Variants in HAGHL observed in about 807,000 individuals in gnomAD.
The protein encoded by HAGHL is hydroxyacylglutathione hydrolase-like protein.
A neutral mutation model predicts 29.2 loss-of-function variants in HAGHL; 27 were observed. The observed-to-expected ratio is 0.92, with a 90% CI of 0.68 to 1.27. HAGHL has a LOEUF of 1.27. Among genes scored for constraint, HAGHL ranks in the 50% most tolerant of loss-of-function variants. The pLI is 0.00. For missense variants in HAGHL, 529 were observed against 405.5 expected, an observed-to-expected ratio of 1.30 and a Z score of -2.62; for synonymous variants, 223 against 185.7, an observed-to-expected ratio of 1.20 and a Z score of -1.63.
At position 729,275 on chromosome 16, in the gene HAGHL, C is replaced by G; in HGVS notation, c.681-13C>G. The G allele has an allele frequency of 6.6e-7, 1 of 1,516,366 alleles. No individual in the cohort carries two copies. Among genetic ancestry groups the G allele is most frequent in the South Asian group, 1.3e-5 (1 of 77,884 alleles). The allele number at this position is 1,516,366 out of a possible 1,614,324, so 93.9% of individuals were successfully genotyped here. A position where few individuals can be genotyped will look rare whatever the true frequency, so the allele number is the denominator to read the frequency against. ...GCAGCGGGCCCTGCGCCTCACTGCA[C>G]CCCTCCCTGCAGAGAGGAGCCGGTG... On this transcript the variant is annotated splice_polypyrimidine_tract_variant and intron_variant, in intron 7 of 7. Transcript: ENST00000389703.
Position 728,049 on chromosome 16 carries a change from G to A in HAGHL, c.170+20G>A, listed in dbSNP as rs962701601. The A allele has an allele frequency of 2.0e-5, 32 of 1,575,646 alleles. No individual in the cohort carries two copies. Among genetic ancestry groups the A allele is most frequent in the Non-Finnish European group, 2.7e-5 (31 of 1,165,246 alleles). On this transcript the variant is annotated intron_variant, in intron 2 of 7. Transcript: ENST00000389703. The stretch of plus-strand genomic sequence containing the variant: ...TCACTGGTGAGCGCCGGCGGGGCGC[G>A]GGGAGGCACGAGGACGCCGCCTTGT...
intron 1 of HAGHL, 159 bp from the exon 2 acceptor site, chr16:727,806 C>G (rs542034385): frequency 3.7e-6 from 3 of 810,240 alleles, no homozygotes; most frequent in East Asian, 5.5e-5. Flanking sequence ...GCCTGGCGGT[C>G]CCTGCACGCG....
At position 728,854 on chromosome 16, in the gene HAGHL, C is replaced by T. The variant is rs557629744; in HGVS notation, c.559C>T (p.Pro187Ser). The change falls in exon 6 of 8, where the codon CCC becomes TCC. Residue 187 changes from proline to serine, a missense_variant. By Grantham distance (74) the Pro-to-Ser change is moderately conservative (BLOSUM62 -1). Transcript: ENST00000389703. The part of the protein sequence containing the change: ...SNLEFAQKVE[P>S]CNDHVRAKLS... ...CCTGGAGTTTGCCCAGAAAGTGGAGCCCTGCAACGACCACGTGAGAGCCAA... is the reference window on the plus strand; with the variant it reads ...CCTGGAGTTTGCCCAGAAAGTGGAGTCCTGCAACGACCACGTGAGAGCCAA... 8.1e-6 allele frequency: 13 copies of T among 1,611,220 alleles called. No individual in the cohort carries two copies. The African/African-American group carries it at 1.1e-4, about 13-fold the overall frequency.
At position 728,844 on chromosome 16, in the gene HAGHL, G is replaced by A. The variant is rs1567339165; in HGVS notation, c.549G>A (p.Gln183=). The A allele has an allele frequency of 6.2e-7, 1 of 1,607,520 alleles. No homozygotes were observed. Among genetic ancestry groups the A allele is most frequent in the Non-Finnish European group, 8.5e-7 (1 of 1,177,302 alleles). ...EHTLSNLEFA[Q]KVEPCNDHVR... ...CGCTTAGCAACCTGGAGTTTGCCCA[G>A]AAAGTGGAGCCCTGCAACGACCACG... Residue 183 remains glutamine (Q), a synonymous_variant, in exon 6 of 8, where the codon CAG becomes CAA. Transcript: ENST00000389703.
chr16:727,468 G>T lies in HAGHL; in HGVS notation c.-42G>T. 1 of 1,224,206 alleles carries T rather than the reference G, an allele frequency of 8.2e-7. No individual in the cohort carries two copies. The highest frequency in any genetic ancestry group is 2.5e-5 in the East Asian group (1 of 40,334). 75.8% of individuals were successfully genotyped at this position (1,224,206 alleles called of 1,614,324 possible). A position where few individuals can be genotyped will look rare whatever the true frequency, so the allele number is the denominator to read the frequency against. ...CCTGAAGGGGCACCGTGGGCTGGGG[G>T]GCCTGTTTTGGAGCAGGCACCGGTG... On this transcript the variant is annotated 5_prime_UTR_variant, in exon 1 of 8. Transcript: ENST00000389703.
At chr16:728,934 G>T (rs748914028) in intron 6 of HAGHL, 39 bp downstream of exon 6, 30 of 768,970 alleles carry the variant, frequency 3.9e-5, no homozygotes, top group Non-Finnish European at 6.1e-5. Context: ...GGGTGGGGGG[G>T]GAGGGAACAG....
rs1179091613 is a variant in HAGHL at position 727,598 on chromosome 16, T to G, written c.89T>G (p.Val30Gly). The G allele has an allele frequency of 6.2e-7, 1 of 1,610,134 alleles. No individual in the cohort carries two copies. Among genetic ancestry groups the G allele is most frequent in the Non-Finnish European group, 8.5e-7 (1 of 1,178,408 alleles). Residue 30 changes from valine (V) to glycine (G), a missense_variant, in exon 1 of 8, where the codon GTG becomes GGG. Transcript: ENST00000389703. ...ACGCGCGAGGCGGTGGCCGTGGACGTGGCTGTGCCCAAGAGGGTGAGGGCA... is the reference window on the plus strand; with the variant it reads ...ACGCGCGAGGCGGTGGCCGTGGACGGGGCTGTGCCCAAGAGGGTGAGGGCA... Reference protein sequence around the residue: ...ELTREAVAVDVAVPKRLLEIV... With the variant: ...ELTREAVAVDGAVPKRLLEIV...
rs1034490951 is a variant in HAGHL, at chr16:729,451, G to A, written c.844G>A (p.Asp282Asn). The change falls in exon 8 of 8, where the codon GAC becomes AAC. Residue 282 changes from aspartate (D) to asparagine (N), a missense_variant. Physicochemically the swap from Asp to Asn is conservative, Grantham distance 23 (BLOSUM62 1). Transcript: ENST00000389703. ...QWGLLSAAPH[D>N] ...GGGGCTCCTGAGTGCAGCCCCACACGACTGAGCCACCCAGACCCTCACAGG... is the reference window on the plus strand; with the variant it reads ...GGGGCTCCTGAGTGCAGCCCCACACAACTGAGCCACCCAGACCCTCACAGG... The A allele has an allele frequency of 4.5e-6, 7 of 1,538,704 alleles. No homozygotes were observed. The East Asian group carries it at 9.8e-5, about 22-fold the overall frequency.
rs780794777 is a variant in HAGHL, at chr16:727,492, T to G, written c.-18T>G. ...GGGCCTGTTTTGGAGCAGGCACCGG[T>G]GGCCGAGCTCCGTGACCATGAAGGT... On this transcript the variant is annotated 5_prime_UTR_variant, in exon 1 of 8. Transcript: ENST00000389703. 6.5e-6 allele frequency: 10 copies of G among 1,538,872 alleles called. No individual in the cohort carries two copies. Among genetic ancestry groups the G allele is most frequent in the Non-Finnish European group, 8.9e-6 (10 of 1,120,008 alleles).
At chr16:728,754 T>C in intron 5 of HAGHL, 40 bp from the exon 6 acceptor site, 1 of 1,585,476 alleles carries the variant, frequency 6.3e-7, no homozygotes, top group African/African-American at 1.3e-5. Flanking sequence ...TTTCCCCGCT[T>C]CCTGGCCGCG....
chr16:728,860 A>G lies in HAGHL; in HGVS notation c.565A>G (p.Asn189Asp). 6.3e-7 allele frequency: 1 copy of G among 1,583,502 alleles called. No individual in the cohort carries two copies. The highest frequency in any genetic ancestry group is 8.6e-7 in the Non-Finnish European group (1 of 1,162,858). The change falls in exon 6 of 8, where the codon AAC becomes GAC. Residue 189 changes from asparagine (N) to aspartate (D), a missense_variant. By Grantham distance (23) the Asn-to-Asp change is conservative. Coordinates refer to ENST00000389703, the MANE Select transcript of HAGHL (RefSeq NM_032304.4). ...LEFAQKVEPC[N>D]DHVRAKLSWA... Reference sequence around the variant, plus strand: ...GTTTGCCCAGAAAGTGGAGCCCTGCAACGACCACGTGAGAGCCAAGCTGTC... The same window carrying G: ...GTTTGCCCAGAAAGTGGAGCCCTGCGACGACCACGTGAGAGCCAAGCTGTC...
chr16:728,724 C>G, intron 5 of HAGHL, 70 bp from the exon 6 acceptor site: 4 of 1,464,592 alleles, frequency 2.7e-6, no homozygotes, highest in Non-Finnish European at 2.8e-6. Flanking sequence ...CAGGGGAGGC[C>G]AGGCCCCCGG....
Position 728,857 on chromosome 16 carries a change from T to A in HAGHL, c.562T>A (p.Cys188Ser). The A allele has an allele frequency of 6.3e-7, 1 of 1,589,448 alleles. No individual in the cohort carries two copies. The highest frequency in any genetic ancestry group is 8.6e-7 in the Non-Finnish European group (1 of 1,167,902). ...NLEFAQKVEP[C>S]NDHVRAKLSW... is the part of the protein sequence containing the mutation. The stretch of plus-strand genomic sequence containing the variant: ...GGAGTTTGCCCAGAAAGTGGAGCCC[T>A]GCAACGACCACGTGAGAGCCAAGCT... The change falls in exon 6 of 8, where the codon TGC becomes AGC. Residue 188 changes from cysteine (C) to serine (S), a missense_variant. Cys to Ser is a moderately radical substitution (Grantham distance 112). Transcript: ENST00000389703.
chr16:729,180 T>G (rs1567340204), intron 7 of HAGHL, 92 bp downstream of exon 7: 3 of 1,574,086 alleles, frequency 1.9e-6, no homozygotes, highest in South Asian at 2.3e-5. Context: ...TGAGCATCTC[T>G]GGCTTGGGGG....
At position 729,369 on chromosome 16, in the gene HAGHL, C is replaced by T. The variant is rs760270517; in HGVS notation, c.762C>T (p.Phe254=). 4.0e-4 allele frequency: 615 copies of T among 1,530,034 alleles called. 3 individuals carry two copies. The highest frequency in any genetic ancestry group is 9.0e-5 in the Non-Finnish European group (103 of 1,141,020). 94.8% of individuals were successfully genotyped at this position (1,530,034 alleles called of 1,614,324 possible). A position where few individuals can be genotyped will look rare whatever the true frequency, so the allele number is the denominator to read the frequency against. ...CGCTATGCAAGGAGCGGGCGCGCTT[C>T]GAACAGGCGGGCGAGCCGCGGCAGC... ...LEALCKERAR[F]EQAGEPRQPQ... is the part of the protein sequence containing the mutation. Residue 254 remains phenylalanine, a synonymous_variant, in exon 8 of 8, where the codon TTC becomes TTT. Transcript: ENST00000389703.
chr16:729,125 CG>C, intron 7 of HAGHL, 37 bp downstream of exon 7: 1 of 1,603,496 alleles, frequency 6.2e-7, no homozygotes, highest in Non-Finnish European at 8.5e-7. Flanking sequence ...TCCACCGTTA[CG>C]TGGACCCTTA....
chr16:727,877 G>A (rs1338301895), intron 1 of HAGHL, 88 bp from the exon 2 acceptor site: 3 of 1,388,534 alleles, frequency 2.2e-6, no homozygotes, highest in Middle Eastern at 1.8e-4. Context: ...GCTCTGGCCG[G>A]CCTGGGGCAG....
intron 1 of HAGHL, 59 bp downstream of exon 1, chr16:727,673 C>A: frequency 8.5e-7 from 1 of 1,174,756 alleles, no homozygotes; most frequent in African/African-American, 1.5e-5. Context: ...CCTCCCCGAC[C>A]CCCCTGGTAG....
Position 729,546 on chromosome 16 carries a change from C to T in HAGHL, c.*90C>T. ...ACATGAGGGCCACCTCTGGAACCTT[C>T]TTCGAGGCCCTGGCCAGCCATCTGC... On this transcript the variant is annotated 3_prime_UTR_variant, in exon 8 of 8. Coordinates refer to ENST00000389703, the MANE Select transcript of HAGHL (RefSeq NM_032304.4). 9 of 1,533,012 alleles carry T rather than the reference C, an allele frequency of 5.9e-6. No homozygotes were observed. The East Asian group carries it at 7.3e-5, about 13-fold the overall frequency. 95.0% of individuals were successfully genotyped at this position (1,533,012 alleles called of 1,614,324 possible). A position where few individuals can be genotyped will look rare whatever the true frequency, so the allele number is the denominator to read the frequency against.
Sources: gnomAD v4.1 joint callset for allele counts on GRCh38, gnomAD v4.1.1 for gene constraint, MANE v1.5 for transcripts, NCBI Gene and HGNC (gene_info 2026-07-23, HGNC 2026-07-21) for gene names.